SPTBN1: variants seen among roughly 807,000 people sequenced by gnomAD.
The protein encoded by SPTBN1 is spectrin beta, non-erythrocytic 1.
Under a neutral mutation model 266.4 loss-of-function variants are expected in SPTBN1, and 32 were observed. The ratio of observed to expected loss-of-function variants is 0.12; its 90% CI spans 0.09 to 0.16. The LOEUF (loss-of-function observed/expected upper bound fraction) is 0.16, where lower values mean the gene tolerates loss of function less well. Among genes scored for constraint, SPTBN1 ranks in the 10% least tolerant of loss-of-function variants. SPTBN1 has a pLI of 1.00. For missense variants in SPTBN1, 2,296 were observed against 3,067.1 expected (o/e 0.75, Z 5.94); for synonymous variants, 1,336 against 1,162.2 (o/e 1.15, Z -3.04).
intron 32 of SPTBN1, 94 bp downstream of exon 32, chr2:54,660,093 C>T (rs1476225579): frequency 6.2e-7 from 1 of 1,612,188 alleles, no homozygotes; most frequent in South Asian, 1.1e-5. Context: ...GTGAAGTTCA[C>T]TACCATTTGT....
At position 54,626,263 on chromosome 2, in the gene SPTBN1, A is replaced by T; in HGVS notation, c.1644+29A>T. 1 of 1,598,582 alleles carries T rather than the reference A, an allele frequency of 6.3e-7. No individual in the cohort carries two copies. Among genetic ancestry groups the T allele is most frequent in the Non-Finnish European group, 8.5e-7 (1 of 1,170,534 alleles). On this transcript the variant is annotated intron_variant, in intron 12 of 35. Coordinates refer to ENST00000356805, the MANE Select transcript of SPTBN1 (RefSeq NM_003128.3). This position sits in a 1 kb window ranked among gnomAD's most constrained non-coding sequence, Gnocchi z 4.7. ...AAACCTGACCGAAAGGAAGGACGAC[A>T]GAGCTGATCCAACCAGGGCTCTCTT...
rs772592991 is a variant in SPTBN1, at chr2:54,649,149, G to T, written c.5161G>T (p.Ala1721Ser). ...GTGGATCGCTGAGAGGGAGGTGGTC[G>T]CAGGGTCCCATGAACTGGGACAGGA... The part of the protein sequence containing the change: ...EQWIAEREVV[A>S]GSHELGQDYE... The change falls in exon 25 of 36, where the codon GCA becomes TCA. Residue 1721 changes from alanine (A) to serine (S), a missense_variant. Ala to Ser is a moderately conservative substitution (Grantham distance 99). This residue lies in a region of SPTBN1 where 644 missense variants were observed against 745.3 expected (regional missense o/e 0.86). Transcript: ENST00000356805. This position sits in a 1 kb window ranked among gnomAD's most constrained non-coding sequence, Gnocchi z 6.7. 1.9e-6 allele frequency: 3 copies of T among 1,611,300 alleles called. No homozygotes were observed. The highest frequency in any genetic ancestry group is 2.2e-5 in the East Asian group (1 of 44,772).
chr2:54,642,894 A>G (rs1037431744), intron 18 of SPTBN1, 89 bp from the exon 19 acceptor site: 9 of 1,490,118 alleles, frequency 6.0e-6, no homozygotes, highest in Non-Finnish European at 8.2e-6. Flanking sequence ...TGTAGTATGC[A>G]TAATATGACA....
chr2:54,476,093 G>T (rs1270182486), intron 1 of SPTBN1, among the ~76,000 whole-genome samples: 3 of 151,968 alleles, frequency 2.0e-5, no homozygotes, highest in African/African-American at 7.3e-5. Flanking sequence ...TGGTGCTGCA[G>T]TAACAAAGAT....
In SPTBN1 at chr2:54,561,492, T is replaced by C. The variant is rs527748981; in HGVS notation, c.148+34926T>C. On this transcript the variant is annotated intron_variant, in intron 2 of 35. Transcript: ENST00000356805. ...TTTATGTATTGTCTGTGCCTGATAG[T>C]GCTATGATTTTTCTGGAGTTGTTTC... is the stretch of plus-strand genomic sequence containing the variant. Among the ~76,000 whole-genome samples the C allele has an allele frequency of 5.3e-5, 8 of 152,224 alleles. No homozygotes were observed. The East Asian group carries it at 1.5e-3, about 29-fold the overall frequency.
chr2:54,514,489 G>A (rs1402983503), intron 1 of SPTBN1, among the ~76,000 whole-genome samples: 1 of 152,160 alleles, frequency 6.6e-6, no homozygotes, highest in Non-Finnish European at 1.5e-5. Flanking sequence ...CAGGAAAGAG[G>A]TTTATCTCTG....
chr2:54,543,845 T>C (rs1672080216), intron 2 of SPTBN1, among the ~76,000 whole-genome samples: 2 of 152,150 alleles, frequency 1.3e-5, no homozygotes, highest in Non-Finnish European at 2.9e-5. Flanking sequence ...GAGATGCATG[T>C]TCTTTGGAGG....
chr2:54,670,154 T>C lies in SPTBN1; in HGVS notation c.*1585T>C, dbSNP rs1220375759. ...TTGACATGCCATACAATATTTTGAT[T>C]TTCTTAATGATTTCAAAATGTAAAG... On this transcript the variant is annotated 3_prime_UTR_variant, in exon 36 of 36. Transcript: ENST00000356805. The C allele has an allele frequency of 1.3e-5, 2 of 152,216 alleles. No homozygotes were observed. The highest frequency in any genetic ancestry group is 4.8e-5 in the African/African-American group (2 of 41,440). 9.4% of individuals were successfully genotyped at this position (152,216 alleles called of 1,614,324 possible).
At chr2:54,555,092 T>C (rs893779259) in intron 2 of SPTBN1, among the ~76,000 whole-genome samples, 30 of 152,114 alleles carry the variant, frequency 2.0e-4, no homozygotes, top group African/African-American at 6.8e-4. Context: ...CCTCTTTGAG[T>C]CTCTCTCCTT....
Position 54,629,156 on chromosome 2 carries a change from G to T in SPTBN1, c.2022G>T (p.Met674Ile). Residue 674 changes from methionine to isoleucine, a missense_variant, in exon 14 of 36, where the codon ATG becomes ATT. Met to Ile is a conservative substitution (Grantham distance 10). Coordinates refer to ENST00000356805, the MANE Select transcript of SPTBN1 (RefSeq NM_003128.3). ...ACGGGAAAGACCTGACCAGCGTCAT[G>T]CGCCTGCTCAGCAAGCACCGGGCGT... The part of the protein sequence containing the change: ...DDYGKDLTSV[M>I]RLLSKHRAFE... 6.2e-7 allele frequency: 1 copy of T among 1,613,586 alleles called. No individual in the cohort carries two copies. Among genetic ancestry groups the T allele is most frequent in the South Asian group, 1.1e-5 (1 of 91,084 alleles).
rs1210247734 is a variant in SPTBN1 at position 54,668,609 on chromosome 2, A to G, written c.*40A>G. ...CCTCCTGCCCTTCTCTTACCTTTTC[A>G]GTGAAATTCCAGCATGCAAGCTCAG... On this transcript the variant is annotated 3_prime_UTR_variant, in exon 36 of 36. Transcript: ENST00000356805. 6.4e-7 allele frequency: 1 copy of G among 1,554,942 alleles called. No homozygotes were observed. Among genetic ancestry groups the G allele is most frequent in the African/African-American group, 1.4e-5 (1 of 73,010 alleles).
At chr2:54,505,060 G>T (rs1669481418) in intron 1 of SPTBN1, among the ~76,000 whole-genome samples, 1 of 152,160 alleles carries the variant, frequency 6.6e-6, no homozygotes. Flanking sequence ...TAAAGTAATG[G>T]TGATTCAGTT....
At chr2:54,633,805 G>A (rs1195927935) in intron 17 of SPTBN1, among the ~76,000 whole-genome samples, 5 of 152,176 alleles carry the variant, frequency 3.3e-5, no homozygotes, top group African/African-American at 1.2e-4. Flanking sequence ...AAATAAGATG[G>A]GTGGAGAGGG....
chr2:54,636,832 G>C (rs1025025600), intron 17 of SPTBN1, among the ~76,000 whole-genome samples: 7 of 152,216 alleles, frequency 4.6e-5, no homozygotes, highest in African/African-American at 1.7e-4. Context: ...GAGTATCAAG[G>C]AAGTGTATGT....
chr2:54,670,028 T>A lies in SPTBN1; in HGVS notation c.*1459T>A, dbSNP rs936390499. On this transcript the variant is annotated 3_prime_UTR_variant, in exon 36 of 36. Transcript: ENST00000356805. Reference sequence around the variant, plus strand: ...CTGTCTCTGTTGCTCAATTCTGCTGTTGCGTAATACAAAGGCAGCCATTGA... The same window carrying A: ...CTGTCTCTGTTGCTCAATTCTGCTGATGCGTAATACAAAGGCAGCCATTGA... The A allele has an allele frequency of 1.3e-5, 2 of 152,214 alleles. No individual in the cohort carries two copies. The highest frequency in any genetic ancestry group is 4.8e-5 in the African/African-American group (2 of 41,460). 9.4% of individuals were successfully genotyped at this position (152,214 alleles called of 1,614,324 possible).
intron 7 of SPTBN1, 53 bp downstream of exon 7, chr2:54,618,246 T>G: frequency 7.0e-7 from 1 of 1,424,940 alleles, no homozygotes. Flanking sequence ...ACCATCCAGG[T>G]GTTAATGTAA....
chr2:54,531,831 A>T (rs1050361703), intron 2 of SPTBN1, among the ~76,000 whole-genome samples: 3 of 152,056 alleles, frequency 2.0e-5, no homozygotes, highest in African/African-American at 7.2e-5. Context: ...TCAGGAGGAA[A>T]TACAGAGAAC....
intron 2 of SPTBN1, among the ~76,000 whole-genome samples, chr2:54,553,842 G>A (rs936824119): frequency 6.6e-6 from 1 of 152,174 alleles, no homozygotes; most frequent in Non-Finnish European, 1.5e-5. Context: ...ACTCAAGCTT[G>A]CTGTAATGCA....
At chr2:54,663,423 G>A (rs1572782132) in intron 32 of SPTBN1, 1 of 152,228 alleles carries the variant, frequency 6.6e-6, no homozygotes, top group African/African-American at 2.4e-5. Context: ...TCAGCCAGGG[G>A]CTGCTACAGT....
Sources: gnomAD v4.1 joint callset for allele counts (sites outside exome capture counted in the v4.1 genomes callset) on GRCh38, gnomAD v4.1.1 for gene constraint, gnomAD v4.1.1 regional missense constraint, Gnocchi (gnomAD v3.1) non-coding constraint, MANE v1.5 for transcripts, NCBI Gene and HGNC (gene_info 2026-07-23, HGNC 2026-07-21) for gene names.